The following PTPRN2 variants were observed in gnomAD, a reference collection of about 807,000 sequenced individuals.
PTPRN2 encodes protein tyrosine phosphatase receptor type N2.
In PTPRN2, 74 loss-of-function variants were observed where a neutral mutation model predicts 118.8. The observed-to-expected ratio is 0.62, with a 90% CI of 0.52 to 0.76. The LOEUF (loss-of-function observed/expected upper bound fraction) is 0.76, where lower values mean the gene tolerates loss of function less well. Ranked by LOEUF, PTPRN2 falls within the 30% of genes least tolerant of loss-of-function variation. The pLI, the probability that PTPRN2 is intolerant of heterozygous loss-of-function variation, is 0.00. For synonymous variants in PTPRN2, 641 were observed against 608.0 expected (o/e 1.05, Z -0.80); for missense variants, 1,481 against 1,394.4 (o/e 1.06, Z -0.99).
At chr7:157,870,280 T>C (rs1324910613) in intron 12 of PTPRN2, among the ~76,000 whole-genome samples, 1 of 152,218 alleles carries the variant, frequency 6.6e-6, no homozygotes, top group African/African-American at 2.4e-5. Context: ...AATTAGGATA[T>C]AAACAAGGTT....
intron 1 of PTPRN2, among the ~76,000 whole-genome samples, chr7:158,553,675 C>T (rs1826806104): frequency 6.6e-6 from 1 of 150,906 alleles, no homozygotes; most frequent in Non-Finnish European, 1.5e-5. Context: ...TTCCTGTCTA[C>T]ACGCAGACAG....
intron 15 of PTPRN2, among the ~76,000 whole-genome samples, chr7:157,604,406 T>G (rs1273921168): frequency 6.6e-6 from 1 of 152,220 alleles, no homozygotes; most frequent in East Asian, 1.9e-4. Context: ...TGTGGGGAAC[T>G]GGCACAAAGC....
At chr7:158,522,751 G>A (rs888583611) in intron 1 of PTPRN2, among the ~76,000 whole-genome samples, 22 of 152,192 alleles carry the variant, frequency 1.4e-4, no homozygotes, top group African/African-American at 5.3e-4. Context: ...AGTCTGCAGG[G>A]CTCAGCGTCT....
chr7:157,689,051 G>A (rs10280594), intron 12 of PTPRN2, among the ~76,000 whole-genome samples: 121,388 of 152,174 alleles, frequency 0.8, 49,176 homozygotes, highest in Non-Finnish European at 0.88. Context: ...CCACGCCCGC[G>A]TCCACCCGTG....
chr7:157,954,662 G>A (rs1801071376), intron 11 of PTPRN2, among the ~76,000 whole-genome samples: 1 of 152,074 alleles, frequency 6.6e-6, no homozygotes, highest in South Asian at 2.1e-4. Flanking sequence ...TGATATTAAG[G>A]CCTGCAGTAC....
chr7:158,157,365 A>G (rs367703813), intron 6 of PTPRN2, among the ~76,000 whole-genome samples: 4 of 152,258 alleles, frequency 2.6e-5, no homozygotes, highest in African/African-American at 9.6e-5. Flanking sequence ...CAGCTGGCTT[A>G]CAGCAGCATG....
intron 6 of PTPRN2, among the ~76,000 whole-genome samples, chr7:158,146,387 G>T (rs964160853): frequency 7.9e-5 from 12 of 152,034 alleles, no homozygotes; most frequent in Non-Finnish European, 5.9e-5. Flanking sequence ...AACCTGTATT[G>T]GGCATCTATT....
chr7:158,204,567 T>C (rs1462951660), intron 4 of PTPRN2, among the ~76,000 whole-genome samples: 4 of 152,110 alleles, frequency 2.6e-5, no homozygotes, highest in African/African-American at 9.7e-5. Context: ...AATAGCACAA[T>C]GGCTCAGGAA....
intron 11 of PTPRN2, among the ~76,000 whole-genome samples, chr7:158,064,769 A>C (rs547938530): frequency 1.3e-5 from 2 of 152,206 alleles, no homozygotes; most frequent in East Asian, 1.9e-4. Flanking sequence ...CCCTCCCCGC[A>C]ACAGAACTGA....
chr7:158,202,968 T>G (rs557528463), intron 4 of PTPRN2, among the ~76,000 whole-genome samples: 1 of 151,914 alleles, frequency 6.6e-6, no homozygotes, highest in African/African-American at 2.4e-5. Flanking sequence ...ATGTGGTGGC[T>G]CATGCCTGTA....
intron 3 of PTPRN2, among the ~76,000 whole-genome samples, chr7:158,235,778 GT>G (rs145593510): frequency 0.054 from 8,255 of 152,258 alleles, 285 homozygotes; most frequent in South Asian, 0.11. Context: ...AATATTTTAG[GT>G]GAAGATCCCA....
intron 10 of PTPRN2, 66 bp downstream of exon 10, chr7:158,110,763 C>G: frequency 7.1e-7 from 1 of 1,415,190 alleles, no homozygotes; most frequent in South Asian, 1.2e-5. Flanking sequence ...CAGCTCCTTC[C>G]CTCCCACCCA....
intron 6 of PTPRN2, among the ~76,000 whole-genome samples, chr7:158,138,868 T>TAA (rs1191942677): frequency 3.9e-5 from 6 of 151,992 alleles, no homozygotes; most frequent in Non-Finnish European, 8.8e-5. Context: ...CTCCAGAGGA[T>TAA]AAAAGAATGG....
intron 11 of PTPRN2, among the ~76,000 whole-genome samples, chr7:157,981,268 C>T (rs896739236): frequency 1.1e-4 from 16 of 152,068 alleles, no homozygotes; most frequent in African/African-American, 2.4e-4. Flanking sequence ...TGTGTGTGGA[C>T]GAGACATGGA....
intron 12 of PTPRN2, among the ~76,000 whole-genome samples, chr7:157,748,728 C>T (rs1404047444): frequency 1.5e-4 from 18 of 123,146 alleles, no homozygotes; most frequent in Admixed American, 5.0e-4. Flanking sequence ...GGCCTGCGTC[C>T]CTGAGCTGTG....
intron 15 of PTPRN2, among the ~76,000 whole-genome samples, chr7:157,607,619 G>T (rs1030302121): frequency 5.3e-5 from 8 of 152,326 alleles, no homozygotes; most frequent in African/African-American, 1.9e-4. Flanking sequence ...CTCTACGGAG[G>T]GCAGAGGAGG....
chr7:158,151,083 G>GCC (rs1563520628), intron 6 of PTPRN2, among the ~76,000 whole-genome samples: 3 of 22,396 alleles, frequency 1.3e-4, no homozygotes, highest in African/African-American at 3.2e-4. Context: ...TCTTGCCCCT[G>GCC]CCTGCCCAAA....
intron 2 of PTPRN2, among the ~76,000 whole-genome samples, chr7:158,451,468 T>G (rs957775042): frequency 4.0e-5 from 6 of 151,264 alleles, no homozygotes; most frequent in African/African-American, 1.5e-4. Flanking sequence ...GTTGAAAACC[T>G]TTATAGTCTT....
chr7:158,491,654 T>G (rs1203284700), intron 1 of PTPRN2, among the ~76,000 whole-genome samples: 2 of 151,982 alleles, frequency 1.3e-5, no homozygotes, highest in Non-Finnish European at 2.9e-5. Context: ...CATACCCAAC[T>G]AATTTTTGTA....
Sources: allele counts gnomAD v4.1 joint callset (sites outside exome capture counted in the v4.1 genomes callset), GRCh38; gene constraint gnomAD v4.1.1; transcripts MANE v1.5; gene names NCBI Gene and HGNC (gene_info 2026-07-23, HGNC 2026-07-21).